DST: variants seen among roughly 807,000 people sequenced by gnomAD.
DST encodes dystonin.
In DST, 253 loss-of-function variants were observed where a neutral mutation model predicts 875.2. The observed-to-expected ratio is 0.29, with a 90% CI of 0.26 to 0.32. The LOEUF is 0.32. Ranked by LOEUF, DST falls within the 10% of genes least tolerant of loss-of-function variation. The pLI is 1.00. For synonymous variants in DST, 3,124 were observed against 3,197.1 expected, an observed-to-expected ratio of 0.98 and a Z score of 0.77; for missense variants, 8,287 against 9,111.6, an observed-to-expected ratio of 0.91 and a Z score of 3.68.
In DST at chr6:56,529,476, C is replaced by T. The variant is rs1212532131; in HGVS notation, c.17567G>A (p.Gly5856Glu). The change falls in exon 66 of 104, where the codon GGG becomes GAG. Residue 5856 changes from glycine (G) to glutamate (E), a missense_variant. Physicochemically the swap from Gly to Glu is moderately conservative, Grantham distance 98. This residue lies in a region of DST where 777 missense variants were observed against 764.8 expected (regional missense o/e 1.02). Coordinates refer to ENST00000680361, the MANE Select transcript of DST (RefSeq NM_001374736.1). ...AAGTTCAGACTGCTGCTTCCATAGC[C>T]CCTCAGTGCTGTAATCCTGGACTGA... ...KLSVQDYSTE[G>E]LWKQQSELRV... The T allele has an allele frequency of 2.0e-6, 3 of 1,523,194 alleles. No individual in the cohort carries two copies. The highest frequency in any genetic ancestry group is 4.7e-5 in the East Asian group (2 of 42,708). 94.4% of individuals were successfully genotyped at this position (1,523,194 alleles called of 1,614,324 possible).
Position 56,572,914 on chromosome 6 carries a change from G to T in DST, c.13387C>A (p.His4463Asn), listed in dbSNP as rs779921951. 8 of 1,613,384 alleles carry T rather than the reference G, an allele frequency of 5.0e-6. No homozygotes were observed. The highest frequency in any genetic ancestry group is 6.8e-6 in the Non-Finnish European group (8 of 1,179,672). ...TTGGCAAGAGTTTCTTTGTGTTTAT[G>T]ACTTGCTTCTGAAAACCGAGCAGAC... ...DLSARFSEAS[H>N]KHKETLAKME... Residue 4463 changes from histidine to asparagine, a missense_variant, in exon 52 of 104, where the codon CAT becomes AAT. By Grantham distance (68) the His-to-Asn change is moderately conservative (BLOSUM62 1). Transcript: ENST00000680361.
intron 2 of DST, among the ~76,000 whole-genome samples, chr6:56,918,588 G>A (rs190471901): frequency 9.9e-5 from 15 of 152,190 alleles, no homozygotes; most frequent in South Asian, 2.1e-4. Flanking sequence ...TTTCCAGTCC[G>A]TAGGAAAAAG....
Position 56,632,864 on chromosome 6 carries a change from A to G in DST, c.3795T>C (p.Ser1265=). 1 of 1,613,696 alleles carries G rather than the reference A, an allele frequency of 6.2e-7. No individual in the cohort carries two copies. The highest frequency in any genetic ancestry group is 1.1e-5 in the South Asian group (1 of 91,086). The change falls in exon 28 of 104, where the codon TCT becomes TCC. Residue 1265 remains serine (S), a synonymous_variant. Transcript: ENST00000680361. The stretch of plus-strand genomic sequence containing the variant: ...ATCCCCATGCTTTACCTCTTTCTGC[A>G]GATTTAAGAAGTTCTTGATAATACT... ...CKQYYQELLK[S]AEREEQEESV...
intron 2 of DST, among the ~76,000 whole-genome samples, chr6:56,952,334 G>A (rs1228781134): frequency 6.6e-6 from 1 of 152,046 alleles, no homozygotes; most frequent in African/African-American, 2.4e-5. Flanking sequence ...TATTATTCTT[G>A]TTCTATCATT....
chr6:56,616,081 T>C (rs758478993), intron 36 of DST: 6 of 1,614,046 alleles, frequency 3.7e-6, no homozygotes, highest in East Asian at 2.2e-5. Flanking sequence ...AGGCTTTTAG[T>C]ACAGAGATCC....
At chr6:56,837,260 C>CA (rs2099794875) in intron 4 of DST, among the ~76,000 whole-genome samples, 1 of 152,144 alleles carries the variant, frequency 6.6e-6, no homozygotes, top group South Asian at 2.1e-4. Context: ...ATACATACTA[C>CA]AAGTTTTTTA....
chr6:56,819,837 C>G (rs1026630653), intron 4 of DST, among the ~76,000 whole-genome samples: 3 of 152,146 alleles, frequency 2.0e-5, no homozygotes, highest in African/African-American at 7.2e-5. Flanking sequence ...CTATTGAAGT[C>G]TGTGGTCTGT....
chr6:56,464,553 C>T (rs2094490086), intron 100 of DST, 132 bp downstream of exon 100: 2 of 676,454 alleles, frequency 3.0e-6, no homozygotes, highest in Admixed American at 2.8e-5. Context: ...GAAGCACCAG[C>T]TCAGCTGGAT....
chr6:56,860,583 C>T (rs1303075910), intron 3 of DST, among the ~76,000 whole-genome samples: 1 of 152,162 alleles, frequency 6.6e-6, no homozygotes, highest in East Asian at 1.9e-4. Flanking sequence ...TGGACCCACC[C>T]ACCCATCACT....
chr6:56,466,784 T>C (rs1188315893), intron 98 of DST: 1 of 152,228 alleles, frequency 6.6e-6, no homozygotes, highest in African/African-American at 2.4e-5. Context: ...TCCCTAATGA[T>C]CTGGTAAACC....
At chr6:56,490,523 C>T (rs1350284995) in intron 85 of DST, among the ~76,000 whole-genome samples, 1 of 152,162 alleles carries the variant, frequency 6.6e-6, no homozygotes, top group Non-Finnish European at 1.5e-5. Flanking sequence ...AGTAAGGACA[C>T]AGACTCACAA....
intron 50 of DST, among the ~76,000 whole-genome samples, chr6:56,575,013 C>T (rs796295124): frequency 5.5e-4 from 84 of 152,196 alleles, no homozygotes; most frequent in Middle Eastern, 6.8e-3. Context: ...TGAAAATTTT[C>T]ACTGGAGTGA....
At chr6:56,619,074 C>A in intron 36 of DST, 1 of 1,614,042 alleles carries the variant, frequency 6.2e-7, no homozygotes, top group South Asian at 1.1e-5. Flanking sequence ...TGACTTTTCG[C>A]CAGGTCTTCT....
chr6:56,823,204 C>T (rs1010235563), intron 4 of DST, among the ~76,000 whole-genome samples: 2 of 152,068 alleles, frequency 1.3e-5, no homozygotes, highest in African/African-American at 2.4e-5. Context: ...TAAGTCTGTC[C>T]GTGAATTTTG....
rs564341348 is a variant in DST at position 56,490,439 on chromosome 6, T to C, written c.20758-830A>G. On this transcript the variant is annotated intron_variant, in intron 85 of 103. Coordinates refer to ENST00000680361, the MANE Select transcript of DST (RefSeq NM_001374736.1). ...AGATACCTAACAAAAAATTTAGTAA[T>C]CAAAATTAAATCTATTGTATACCAA... Among the ~76,000 whole-genome samples, 251 of 152,230 alleles carry C rather than the reference T, an allele frequency of 1.6e-3. 4 individuals carry two copies. In the South Asian group the frequency reaches 0.023, roughly 14 times the overall value.
At chr6:56,673,976 G>C (rs1172042151) in intron 9 of DST, among the ~76,000 whole-genome samples, 1 of 152,148 alleles carries the variant, frequency 6.6e-6, no homozygotes, top group Non-Finnish European at 1.5e-5. Context: ...GACTTTTCAT[G>C]ATACTATGCA....
chr6:56,753,591 G>A (rs1042711991), intron 4 of DST, among the ~76,000 whole-genome samples: 2 of 152,134 alleles, frequency 1.3e-5, no homozygotes, highest in Non-Finnish European at 2.9e-5. Context: ...TCTTCTTAGT[G>A]CTATTTGATA....
In DST at chr6:56,469,872, T is replaced by C; in HGVS notation, c.22551+11A>G. 6.2e-7 allele frequency: 1 copy of C among 1,610,198 alleles called. No homozygotes were observed. The highest frequency in any genetic ancestry group is 8.5e-7 in the Non-Finnish European group (1 of 1,176,594). ...CTTTAAAGGAACTACAACATTACTT[T>C]GAAAACTTACCCTGTATTTATTATC... On this transcript the variant is annotated intron_variant, in intron 97 of 103. Coordinates refer to ENST00000680361, the MANE Select transcript of DST (RefSeq NM_001374736.1).
chr6:56,556,496 C>A (rs1290820000), intron 59 of DST, among the ~76,000 whole-genome samples: 1 of 152,054 alleles, frequency 6.6e-6, no homozygotes. Context: ...TGGGAGACTA[C>A]CAAGACTAGA....
Sources: allele counts gnomAD v4.1 joint callset (sites outside exome capture counted in the v4.1 genomes callset), GRCh38; gene constraint gnomAD v4.1.1; regional missense constraint gnomAD v4.1.1; transcripts MANE v1.5; gene names NCBI Gene and HGNC (gene_info 2026-07-23, HGNC 2026-07-21).